F13A1: variants seen among roughly 807,000 people sequenced by gnomAD.
F13A1 encodes the protein coagulation factor XIII A chain.
F13A1 carries 47 observed loss-of-function variants against 80.1 expected under a neutral mutation model. That is an observed-to-expected ratio of 0.59 (90% CI 0.46 to 0.75). The LOEUF is 0.75. F13A1 is among the 30% of genes least tolerant of loss of function. The probability of loss-of-function intolerance (pLI) is 0.00; values close to 1 mark genes in which losing one functional copy is unlikely to be tolerated. For synonymous variants in F13A1, 349 were observed against 344.9 expected, an observed-to-expected ratio of 1.01 and a Z score of -0.13; for missense variants, 817 against 930.4, an observed-to-expected ratio of 0.88 and a Z score of 1.59.
intron 2 of F13A1, among the ~76,000 whole-genome samples, chr6:6,307,562 A>T (rs567154992): frequency 0.014 from 2,084 of 152,012 alleles, 24 homozygotes; most frequent in Middle Eastern, 0.044. Context: ...TTTTTTTTTT[A>T]AAAATAGCTA....
intron 11 of F13A1, among the ~76,000 whole-genome samples, chr6:6,181,446 C>T (rs1232118659): frequency 6.6e-6 from 1 of 152,118 alleles, no homozygotes; most frequent in Non-Finnish European, 1.5e-5. Context: ...TAACAAAAAC[C>T]CACCATGACA....
chr6:6,152,036 T>G, intron 13 of F13A1, 87 bp from the exon 14 acceptor site: 1 of 1,523,760 alleles, frequency 6.6e-7, no homozygotes, highest in Admixed American at 1.8e-5. Context: ...TTTACTAGAG[T>G]TTTATGATAC....
chr6:6,263,788 G>A (rs1757808681), intron 4 of F13A1, among the ~76,000 whole-genome samples: 1 of 152,208 alleles, frequency 6.6e-6, no homozygotes, highest in African/African-American at 2.4e-5. Context: ...GAAATCTAGA[G>A]TTATTCTTGA....
intron 10 of F13A1, among the ~76,000 whole-genome samples, chr6:6,186,440 T>C (rs976784170): frequency 2.0e-5 from 3 of 152,244 alleles, no homozygotes; most frequent in African/African-American, 7.2e-5. Context: ...TTTCCACCTA[T>C]GGCTAGCCAG....
At chr6:6,319,179 A>T (rs1758733099) in intron 1 of F13A1, among the ~76,000 whole-genome samples, 1 of 152,182 alleles carries the variant, frequency 6.6e-6, no homozygotes. Flanking sequence ...ACCAATATTT[A>T]TTGAGGGCCT....
At chr6:6,196,015 GA>G in intron 9 of F13A1, 130 bp from the exon 10 acceptor site, 1 of 882,142 alleles carries the variant, frequency 1.1e-6, no homozygotes. Flanking sequence ...ATTTAGCCCA[GA>G]TGCTTTCCAA....
At chr6:6,263,124 C>T (rs1173476468) in intron 4 of F13A1, among the ~76,000 whole-genome samples, 1 of 152,120 alleles carries the variant, frequency 6.6e-6, no homozygotes, top group African/African-American at 2.4e-5. Flanking sequence ...AAAATAACAC[C>T]CACTCTCTCT....
In F13A1 at chr6:6,248,386, C is replaced by T; in HGVS notation, c.724G>A (p.Val242Met). The T allele has an allele frequency of 5.0e-6, 8 of 1,613,866 alleles. No homozygotes were observed. Among genetic ancestry groups the T allele is most frequent in the Non-Finnish European group, 6.8e-6 (8 of 1,179,864 alleles). The change falls in exon 6 of 15, where the codon GTG becomes ATG. Residue 242 changes from valine to methionine, a missense_variant. Transcript: ENST00000264870. ...AGGTCCATTTGTGCTCTGTCCATCA[C>T]ATACAGGCAAGTGTCCAGGATGCCA... ...EDGILDTCLY[V>M]MDRAQMDLSG...
intron 3 of F13A1, among the ~76,000 whole-genome samples, chr6:6,282,107 T>C (rs1758075423): frequency 1.3e-5 from 2 of 151,924 alleles, no homozygotes; most frequent in East Asian, 1.9e-4. Flanking sequence ...CTAGGTTGAA[T>C]TGGGAAATAC....
At chr6:6,247,019 T>C (rs1015750680) in intron 6 of F13A1, among the ~76,000 whole-genome samples, 1 of 152,206 alleles carries the variant, frequency 6.6e-6, no homozygotes, top group Non-Finnish European at 1.5e-5. Flanking sequence ...TTGGTAAACA[T>C]TTCCCAAATT....
chr6:6,152,627 A>G (rs1583044421), intron 13 of F13A1, among the ~76,000 whole-genome samples: 1 of 152,326 alleles, frequency 6.6e-6, no homozygotes, highest in East Asian at 1.9e-4. Flanking sequence ...ACTTATTAAC[A>G]GTGGGGACTC....
At chr6:6,202,533 G>GT (rs1208812610) in intron 8 of F13A1, among the ~76,000 whole-genome samples, 2 of 152,180 alleles carry the variant, frequency 1.3e-5, no homozygotes, top group African/African-American at 4.8e-5. Context: ...AAGATTCATG[G>GT]TTTTTTATGT....
rs187035588 is a variant in F13A1, at chr6:6,319,275, G to A, written c.-18-593C>T. Among the ~76,000 whole-genome samples, 5 of 152,356 alleles carry A rather than the reference G, an allele frequency of 3.3e-5. No individual in the cohort carries two copies. In the East Asian group the frequency reaches 9.6e-4, roughly 29 times the overall value. On this transcript the variant is annotated intron_variant, in intron 1 of 14. Coordinates refer to ENST00000264870, the MANE Select transcript of F13A1 (RefSeq NM_000129.4). ...TGCTCTGATAGATTATAGTCTGATAGGGTTAGGGTGGAGCCCAAGAAGAGC... is the reference window on the plus strand; with the variant it reads ...TGCTCTGATAGATTATAGTCTGATAAGGTTAGGGTGGAGCCCAAGAAGAGC...
At chr6:6,203,905 T>C (rs541747704) in intron 8 of F13A1, among the ~76,000 whole-genome samples, 26 of 152,312 alleles carry the variant, frequency 1.7e-4, no homozygotes, top group African/African-American at 6.3e-4. Context: ...TTTAAAATAC[T>C]GCATAATAAA....
chr6:6,281,721 T>C (rs3101105), intron 3 of F13A1, among the ~76,000 whole-genome samples: 90,056 of 151,718 alleles, frequency 0.59, 27,326 homozygotes, highest in African/African-American at 0.74. Context: ...CGGCCGGGCT[T>C]GGTGGCTCAC....
At chr6:6,291,446 A>G (rs986288835) in intron 3 of F13A1, among the ~76,000 whole-genome samples, 1 of 151,844 alleles carries the variant, frequency 6.6e-6, no homozygotes, top group Admixed American at 6.6e-5. Flanking sequence ...TCTCCTTCAA[A>G]TTTCTTTAAA....
chr6:6,251,126 C>G (rs1187378308), intron 4 of F13A1, among the ~76,000 whole-genome samples, 197 bp from the exon 5 acceptor site: 3 of 152,182 alleles, frequency 2.0e-5, no homozygotes, highest in African/African-American at 7.2e-5. Context: ...CAAATTCAGT[C>G]TGTAAATGAT....
At chr6:6,294,713 C>CTTT (rs373278722) in intron 3 of F13A1, among the ~76,000 whole-genome samples, 3 of 123,708 alleles carry the variant, frequency 2.4e-5, no homozygotes, top group African/African-American at 7.8e-5. Context: ...GGTAGAGATT[C>CTTT]TTTTTTTTTT....
intron 3 of F13A1, among the ~76,000 whole-genome samples, chr6:6,302,788 A>G (rs541621405): frequency 6.6e-6 from 1 of 152,206 alleles, no homozygotes; most frequent in East Asian, 1.9e-4. Flanking sequence ...TCAGAATCTC[A>G]TAAGATCACC....
Sources: gnomAD v4.1 joint callset for allele counts (sites outside exome capture counted in the v4.1 genomes callset) on GRCh38, gnomAD v4.1.1 for gene constraint, MANE v1.5 for transcripts, NCBI Gene and HGNC (gene_info 2026-07-23, HGNC 2026-07-21) for gene names.